The following AZI2 variants were observed in gnomAD, a reference collection of about 807,000 sequenced individuals.
The protein encoded by AZI2 is 5-azacytidine-induced protein 2.
A neutral mutation model predicts 45.8 loss-of-function variants in AZI2; 22 were observed. The observed-to-expected ratio is 0.48, with a 90% CI of 0.34 to 0.69. The LOEUF (loss-of-function observed/expected upper bound fraction) is 0.69. Among genes scored for constraint, AZI2 ranks in the 30% least tolerant of loss-of-function variants. The pLI is 0.01. For synonymous variants in AZI2, 137 were observed against 156.7 expected (o/e 0.87, Z 0.94); for missense variants, 417 against 441.5 (o/e 0.94, Z 0.50).
chr3:28,346,511 G>C (rs1167163542), intron 1 of AZI2, among the ~76,000 whole-genome samples: 1 of 152,070 alleles, frequency 6.6e-6, no homozygotes, highest in Non-Finnish European at 1.5e-5. Flanking sequence ...GGAAATTGAG[G>C]CTCAAAGAGG....
chr3:28,326,736 A>G (rs1432580787), intron 7 of AZI2, 96 bp downstream of exon 7: 9 of 974,186 alleles, frequency 9.2e-6, no homozygotes, highest in Middle Eastern at 4.2e-4. Context: ...TGGCTTATCA[A>G]TCTCTCATTT....
intron 4 of AZI2, among the ~76,000 whole-genome samples, chr3:28,337,604 T>C (rs1367093974): frequency 6.6e-6 from 1 of 152,178 alleles, no homozygotes; most frequent in Non-Finnish European, 1.5e-5. Flanking sequence ...AGATGTTCAG[T>C]AAGAAAGAGA....
chr3:28,336,569 G>A (rs562615941), intron 5 of AZI2, among the ~76,000 whole-genome samples, 168 bp downstream of exon 5: 2 of 151,982 alleles, frequency 1.3e-5, no homozygotes, highest in Non-Finnish European at 2.9e-5. Context: ...TCAAATTTTA[G>A]CAGAAATGCT....
At chr3:28,332,459 A>T in intron 5 of AZI2, 32 bp from the exon 6 acceptor site, 1 of 1,576,570 alleles carries the variant, frequency 6.3e-7, no homozygotes, top group Non-Finnish European at 8.7e-7. Flanking sequence ...GAAGTTTAAA[A>T]GTTGTAATTT....
Position 28,323,407 on chromosome 3 carries a change from T to A in AZI2, c.*635A>T, listed in dbSNP as rs1214799229. On this transcript the variant is annotated 3_prime_UTR_variant, in exon 8 of 8. Transcript: ENST00000479665. ...ACTTAAGGAATGTGCTGGGACAAAG[T>A]TGGCTTCAGTGATCAGGTTGTTTCA... 6.6e-6 allele frequency: 1 copy of A among 150,574 alleles called. No homozygotes were observed. Among genetic ancestry groups the A allele is most frequent in the African/African-American group, 2.4e-5 (1 of 41,118 alleles). The allele number at this position is 150,574 out of a possible 1,614,324, so 9.3% of individuals were successfully genotyped here.
Position 28,340,428 on chromosome 3 carries a change from T to A in AZI2, c.190A>T (p.Lys64Ter), listed in dbSNP as rs1213263227. 1 of 1,604,918 alleles carries A rather than the reference T, an allele frequency of 6.2e-7. No individual in the cohort carries two copies. The highest frequency in any genetic ancestry group is 8.5e-7 in the Non-Finnish European group (1 of 1,173,124). ...DSEKENSLLK[K>*]RIRFLEEKLI... ...TTTTCTTCCAAAAATCTTATTCTCTTCTTTAACAAAGAGTTCTCTTTCTCT... is the reference window on the plus strand; with the variant it reads ...TTTTCTTCCAAAAATCTTATTCTCTACTTTAACAAAGAGTTCTCTTTCTCT... Residue 64 changes from lysine (K) to a stop codon, truncating the protein, a stop_gained, in exon 2 of 8, where the codon AAG becomes TAG. Coordinates refer to ENST00000479665, the MANE Select transcript of AZI2 (RefSeq NM_022461.5). LOFTEE classifies it high-confidence loss of function.
intron 7 of AZI2, among the ~76,000 whole-genome samples, chr3:28,325,346 G>A (rs1703349557): frequency 6.6e-6 from 1 of 151,046 alleles, no homozygotes; most frequent in Non-Finnish European, 1.5e-5. Flanking sequence ...TGTAATTTTA[G>A]AAGAAACAGA....
chr3:28,346,361 C>T (rs867847232), intron 1 of AZI2, among the ~76,000 whole-genome samples: 2 of 152,048 alleles, frequency 1.3e-5, no homozygotes, highest in Admixed American at 6.6e-5. Context: ...AAGTTTAATA[C>T]AAATACAGAA....
intron 3 of AZI2, 101 bp from the exon 4 acceptor site, chr3:28,338,137 TA>T: frequency 1.7e-6 from 1 of 597,108 alleles, no homozygotes; most frequent in South Asian, 4.8e-5. Flanking sequence ...TTCTTGTCTT[TA>T]AAAGCAAGGT....
chr3:28,337,886 G>T, intron 4 of AZI2, 51 bp downstream of exon 4: 1 of 1,192,616 alleles, frequency 8.4e-7, no homozygotes, highest in Non-Finnish European at 1.2e-6. Flanking sequence ...ACAAATAAAT[G>T]GAAAAATATG....
chr3:28,331,795 ACT>A (rs1442852581), intron 6 of AZI2: 2 of 1,527,080 alleles, frequency 1.3e-6, no homozygotes, highest in Non-Finnish European at 1.8e-6. Context: ...AATTGAAGTT[ACT>A]TAAGTAAAAA....
At chr3:28,339,020 A>AC (rs1703909591) in intron 2 of AZI2, among the ~76,000 whole-genome samples, 1 of 150,800 alleles carries the variant, frequency 6.6e-6, no homozygotes, top group Non-Finnish European at 1.5e-5. Context: ...CGCTCTCATC[A>AC]CCCAGGCTGG....
intron 1 of AZI2, among the ~76,000 whole-genome samples, chr3:28,346,045 C>G (rs981632385): frequency 6.6e-6 from 1 of 152,084 alleles, no homozygotes; most frequent in Non-Finnish European, 1.5e-5. Context: ...TATAGCTACA[C>G]AGCTAATCAG....
intron 1 of AZI2, among the ~76,000 whole-genome samples, chr3:28,343,899 G>A (rs1469432894): frequency 6.6e-6 from 1 of 152,012 alleles, no homozygotes; most frequent in Non-Finnish European, 1.5e-5. Context: ...ATGATAGCTA[G>A]TCATTTTTAA....
At chr3:28,326,158 A>C (rs1040006584) in intron 7 of AZI2, among the ~76,000 whole-genome samples, 8 of 151,268 alleles carry the variant, frequency 5.3e-5, no homozygotes, top group Non-Finnish European at 8.9e-5. Flanking sequence ...ATGTAATACT[A>C]GGTACAAATG....
At chr3:28,344,952 G>A (rs1014022851) in intron 1 of AZI2, among the ~76,000 whole-genome samples, 8 of 152,102 alleles carry the variant, frequency 5.3e-5, no homozygotes, top group African/African-American at 1.9e-4. Context: ...TCTCAGTGAT[G>A]AAAATCAGTA....
chr3:28,327,076 AAAC>A (rs1319706063), intron 6 of AZI2, 126 bp from the exon 7 acceptor site: 1 of 641,178 alleles, frequency 1.6e-6, no homozygotes, highest in African/African-American at 1.9e-5. Flanking sequence ...AAACTGAAAA[AAAC>A]AATTGAAAGA....
At position 28,323,769 on chromosome 3, in the gene AZI2, A is replaced by T. The variant is rs1053993523; in HGVS notation, c.*273T>A. ...AGGCAAAATTTTACAATTAATATAG[A>T]AGGCAGAGTTTTTTAAACACCTTAA... On this transcript the variant is annotated 3_prime_UTR_variant, in exon 8 of 8. Coordinates refer to ENST00000479665, the MANE Select transcript of AZI2 (RefSeq NM_022461.5). The T allele has an allele frequency of 3.9e-6, 1 of 254,310 alleles. No individual in the cohort carries two copies. Among genetic ancestry groups the T allele is most frequent in the South Asian group, 1.6e-4 (1 of 6,344 alleles). The allele number at this position is 254,310 out of a possible 1,614,324, so 15.8% of individuals were successfully genotyped here.
chr3:28,336,282 G>C (rs1258686480), intron 5 of AZI2, among the ~76,000 whole-genome samples: 1 of 151,916 alleles, frequency 6.6e-6, no homozygotes, highest in Non-Finnish European at 1.5e-5. Context: ...AAATAAGTAA[G>C]CTCTGTCATG....
Sources: gnomAD v4.1 joint callset for allele counts (sites outside exome capture counted in the v4.1 genomes callset) on GRCh38, gnomAD v4.1.1 for gene constraint, MANE v1.5 for transcripts, NCBI Gene and HGNC (gene_info 2026-07-23, HGNC 2026-07-21) for gene names.